SLX4IP: variants seen among roughly 807,000 people sequenced by gnomAD.
SLX4IP encodes the protein protein SLX4IP.
SLX4IP carries 34 observed loss-of-function variants against 32.9 expected under a neutral mutation model. The observed-to-expected ratio is 1.03, with a 90% CI of 0.79 to 1.38. SLX4IP has a LOEUF of 1.38. Among genes scored for constraint, SLX4IP ranks in the 40% most tolerant of loss-of-function variants. SLX4IP has a pLI of 0.00. For synonymous variants in SLX4IP, 172 were observed against 171.7 expected (o/e 1.00, Z -0.01); for missense variants, 444 against 479.0 (o/e 0.93, Z 0.68).
chr20:10,601,457 G>T (rs150737403), intron 5 of SLX4IP, among the ~76,000 whole-genome samples: 3 of 152,290 alleles, frequency 2.0e-5, no homozygotes, highest in East Asian at 3.9e-4. Context: ...ACACAGAGGG[G>T]AGGCTACAGA....
intron 4 of SLX4IP, among the ~76,000 whole-genome samples, chr20:10,594,507 T>C (rs1568760527): frequency 6.6e-6 from 1 of 152,340 alleles, no homozygotes; most frequent in South Asian, 2.1e-4. Context: ...TTGGCAGCTG[T>C]GGGGAAGCTC....
intron 2 of SLX4IP, among the ~76,000 whole-genome samples, chr20:10,463,725 A>G (rs1489189318): frequency 6.6e-6 from 1 of 152,230 alleles, no homozygotes; most frequent in African/African-American, 2.4e-5. Context: ...AGTTCTCAGT[A>G]AACAAAAGAT....
intron 2 of SLX4IP, 116 bp downstream of exon 2, chr20:10,458,347 T>G (rs2065305641): frequency 9.7e-7 from 1 of 1,035,576 alleles, no homozygotes; most frequent in Non-Finnish European, 1.4e-6. Context: ...CTTGGGACTC[T>G]GCAAAATTTT....
chr20:10,586,565 T>C (rs1448650830), intron 4 of SLX4IP, among the ~76,000 whole-genome samples: 1 of 152,158 alleles, frequency 6.6e-6, no homozygotes, highest in Non-Finnish European at 1.5e-5. Context: ...CCCAGACTAA[T>C]GGTTTCTTGC....
At chr20:10,619,558 G>T (rs2067083165) in intron 6 of SLX4IP, among the ~76,000 whole-genome samples, 1 of 152,188 alleles carries the variant, frequency 6.6e-6, no homozygotes, top group African/African-American at 2.4e-5. Flanking sequence ...TTATGACCCT[G>T]TCTGCCTTCC....
chr20:10,518,286 C>G (rs2122441838), intron 2 of SLX4IP, among the ~76,000 whole-genome samples: 1 of 152,348 alleles, frequency 6.6e-6, no homozygotes, highest in South Asian at 2.1e-4. Flanking sequence ...CTGCTGGAAA[C>G]TGAGTCTTGA....
rs970036804 is a variant in SLX4IP, at chr20:10,447,450, G to A, written c.-29-10726G>A. ...TAGTAGATCAGTCAGAGGATGTCTC[G>A]TATATATTTTTTTCATTTTATTCCT... On this transcript the variant is annotated intron_variant, in intron 1 of 7. Transcript: ENST00000334534. Among the ~76,000 whole-genome samples, 10 of 151,868 alleles carry A rather than the reference G, an allele frequency of 6.6e-5. No homozygotes were observed. The East Asian group carries it at 1.5e-3, about 23-fold the overall frequency.
chr20:10,608,571 G>A (rs2066931012), intron 6 of SLX4IP, among the ~76,000 whole-genome samples: 1 of 151,398 alleles, frequency 6.6e-6, no homozygotes, highest in Admixed American at 6.6e-5. Context: ...CTACTCAGGA[G>A]GCTGAGGTGG....
Position 10,458,158 on chromosome 20 carries a change from CTTT to C in SLX4IP, c.-29-10_-29-8del. On this transcript the variant is annotated splice_polypyrimidine_tract_variant and intron_variant, in intron 1 of 7. Coordinates refer to ENST00000334534, the MANE Select transcript of SLX4IP (RefSeq NM_001009608.3). ...GAAATTTTAATATACCTAATTGTAA[CTTT>C]TTTTTTTCTTAAAGGTCTGTAGTTA... 1 of 1,297,782 alleles carries C rather than the reference CTTT, an allele frequency of 7.7e-7. No individual in the cohort carries two copies. Among genetic ancestry groups the C allele is most frequent in the Non-Finnish European group, 1.0e-6 (1 of 958,612 alleles). The allele number at this position is 1,297,782 out of a possible 1,614,324, so 80.4% of individuals were successfully genotyped here. A position where few individuals can be genotyped will look rare whatever the true frequency, so the allele number is the denominator to read the frequency against.
intron 2 of SLX4IP, among the ~76,000 whole-genome samples, chr20:10,518,549 C>CCTT (rs1491112415): frequency 1.9e-5 from 1 of 52,882 alleles, no homozygotes; most frequent in African/African-American, 7.1e-5. Flanking sequence ...TTCCTTCCTT[C>CCTT]CTTTCCTTCT....
At chr20:10,617,659 T>C (rs1399800305) in intron 6 of SLX4IP, among the ~76,000 whole-genome samples, 1 of 149,072 alleles carries the variant, frequency 6.7e-6, no homozygotes, top group Non-Finnish European at 1.5e-5. Context: ...TTTCTTTTTT[T>C]TTTTTTTTTT....
intron 4 of SLX4IP, among the ~76,000 whole-genome samples, chr20:10,590,216 A>C (rs755810807): frequency 6.6e-6 from 1 of 151,976 alleles, no homozygotes; most frequent in Admixed American, 6.6e-5. Context: ...AATTATGAAA[A>C]CTTTGTAATT....
chr20:10,599,588 A>AG (rs35444285), intron 5 of SLX4IP, among the ~76,000 whole-genome samples: 1 of 151,106 alleles, frequency 6.6e-6, no homozygotes, highest in African/African-American at 2.4e-5. Context: ...TTGGTAGAGA[A>AG]GGGGTCTCAC....
chr20:10,474,213 G>A (rs2065454152), intron 2 of SLX4IP, among the ~76,000 whole-genome samples: 1 of 152,136 alleles, frequency 6.6e-6, no homozygotes, highest in South Asian at 2.1e-4. Context: ...ACCATTCCTG[G>A]CCAAAGCTGC....
intron 4 of SLX4IP, among the ~76,000 whole-genome samples, chr20:10,563,167 T>C (rs530774829): frequency 6.6e-6 from 1 of 152,382 alleles, no homozygotes; most frequent in African/African-American, 2.4e-5. Context: ...ATTAATAACG[T>C]TAAGCAATGT....
intron 4 of SLX4IP, among the ~76,000 whole-genome samples, chr20:10,566,440 C>A (rs2066395453): frequency 6.6e-6 from 1 of 152,030 alleles, no homozygotes; most frequent in Non-Finnish European, 1.5e-5. Context: ...CAGCCCGATT[C>A]ATTGTTATCA....
intron 1 of SLX4IP, among the ~76,000 whole-genome samples, chr20:10,456,232 C>G (rs1312000183): frequency 6.6e-6 from 1 of 152,138 alleles, no homozygotes; most frequent in Non-Finnish European, 1.5e-5. Context: ...TGAAAAAATC[C>G]TACATCTGAA....
intron 2 of SLX4IP, among the ~76,000 whole-genome samples, chr20:10,465,109 G>A (rs2065369309): frequency 6.6e-6 from 1 of 152,166 alleles, no homozygotes; most frequent in Admixed American, 6.5e-5. Flanking sequence ...GGTATGTCCT[G>A]TACTTCAGTG....
In SLX4IP at chr20:10,623,762, G is replaced by T; in HGVS notation, c.*383G>T. On this transcript the variant is annotated 3_prime_UTR_variant, in exon 8 of 8. Coordinates refer to ENST00000334534, the MANE Select transcript of SLX4IP (RefSeq NM_001009608.3). ...CGTGCAAAGACAGTGCTGCCGTGCTGCCTTTCAGCTCCAGGGGTACAATCC... is the reference window on the plus strand; with the variant it reads ...CGTGCAAAGACAGTGCTGCCGTGCTTCCTTTCAGCTCCAGGGGTACAATCC... 1 of 180,686 alleles carries T rather than the reference G, an allele frequency of 5.5e-6. No individual in the cohort carries two copies. The highest frequency in any genetic ancestry group is 1.2e-5 in the Non-Finnish European group (1 of 85,016). 11.2% of individuals were successfully genotyped at this position (180,686 alleles called of 1,614,324 possible). A position where few individuals can be genotyped will look rare whatever the true frequency, so the allele number is the denominator to read the frequency against.
Sources: gnomAD v4.1 joint callset for allele counts (sites outside exome capture counted in the v4.1 genomes callset) on GRCh38, gnomAD v4.1.1 for gene constraint, MANE v1.5 for transcripts, NCBI Gene and HGNC (gene_info 2026-07-23, HGNC 2026-07-21) for gene names.